The following FER variants were observed in gnomAD, a reference collection of about 807,000 sequenced individuals.
FER encodes tyrosine-protein kinase Fer.
In FER, 63 loss-of-function variants were observed where a neutral mutation model predicts 111.0. That is an observed-to-expected ratio of 0.57 (90% CI 0.46 to 0.70). The LOEUF (loss-of-function observed/expected upper bound fraction) is 0.70. FER is among the 30% of genes least tolerant of loss of function. FER has a pLI of 0.00. For missense variants in FER, 914 were observed against 954.0 expected, an observed-to-expected ratio of 0.96 and a Z score of 0.55; for synonymous variants, 327 against 313.9, an observed-to-expected ratio of 1.04 and a Z score of -0.44.
At chr5:108,985,509 T>C (rs1174326719) in intron 13 of FER, among the ~76,000 whole-genome samples, 1 of 152,114 alleles carries the variant, frequency 6.6e-6, no homozygotes, top group African/African-American at 2.4e-5. Flanking sequence ...ATGGAGGTTG[T>C]GATTTCTGAG....
rs150130311 is a variant in FER at position 108,796,355 on chromosome 5, G to T, written c.-59-1769G>T. On this transcript the variant is annotated intron_variant, in intron 2 of 19. Coordinates refer to ENST00000281092, the MANE Select transcript of FER (RefSeq NM_005246.4). ...AGCGCAGCACTGGGTCATGCCCAAG[G>T]CCCACTGTAATTGCTACCTGACTCC... Among the ~76,000 whole-genome samples the T allele has an allele frequency of 1.0e-2, 1,516 of 152,246 alleles. 12 individuals carry two copies. The highest frequency in any genetic ancestry group is 0.019 in the Admixed American group (297 of 15,288).
At chr5:109,053,459 C>T (rs1472705457) in intron 16 of FER, among the ~76,000 whole-genome samples, 1 of 151,352 alleles carries the variant, frequency 6.6e-6, no homozygotes, top group Non-Finnish European at 1.5e-5. Context: ...AAATCTGTAG[C>T]ACCTAAATTT....
chr5:108,822,898 TC>T (rs1265037287), intron 3 of FER, among the ~76,000 whole-genome samples: 1 of 151,790 alleles, frequency 6.6e-6, no homozygotes, highest in African/African-American at 2.4e-5. Flanking sequence ...CAAGTGATTC[TC>T]CTGCCTCAGC....
chr5:108,956,392 TG>T (rs1233740038), intron 12 of FER, among the ~76,000 whole-genome samples: 8 of 151,714 alleles, frequency 5.3e-5, no homozygotes, highest in Non-Finnish European at 1.0e-4. Context: ...TTTTGAAATA[TG>T]TATTATGTAA....
At chr5:108,809,164 G>A (rs1402583097) in intron 3 of FER, among the ~76,000 whole-genome samples, 1 of 151,986 alleles carries the variant, frequency 6.6e-6, no homozygotes, top group Non-Finnish European at 1.5e-5. Context: ...AACTTTTTTT[G>A]TATTATTCCT....
At chr5:108,903,362 T>C (rs1388458237) in intron 10 of FER, among the ~76,000 whole-genome samples, 1 of 152,218 alleles carries the variant, frequency 6.6e-6, no homozygotes, top group East Asian at 1.9e-4. Context: ...ACACATTTAA[T>C]TTGTTGGCTA....
chr5:108,992,674 G>C (rs193175209), intron 13 of FER, among the ~76,000 whole-genome samples: 3 of 147,566 alleles, frequency 2.0e-5, no homozygotes, highest in South Asian at 2.1e-4. Flanking sequence ...CTGGCCTGGC[G>C]GGGGCTGACC....
intron 9 of FER, among the ~76,000 whole-genome samples, chr5:108,886,312 G>C (rs1329524890): frequency 6.6e-6 from 1 of 151,304 alleles, no homozygotes; most frequent in Admixed American, 6.6e-5. Context: ...TATAAGAGAG[G>C]AGCCTTGAAG....
chr5:109,123,322 A>AT (rs976089359), intron 17 of FER, among the ~76,000 whole-genome samples: 8 of 151,304 alleles, frequency 5.3e-5, no homozygotes, highest in Non-Finnish European at 1.2e-4. Context: ...TGCCCAGCTA[A>AT]TTTTTTTGTA....
intron 5 of FER, among the ~76,000 whole-genome samples, chr5:108,853,972 G>T (rs1762763852): frequency 6.6e-6 from 1 of 152,218 alleles, no homozygotes; most frequent in Admixed American, 6.5e-5. Context: ...AAGGGGTCAT[G>T]CTGGTTTGGA....
intron 17 of FER, among the ~76,000 whole-genome samples, chr5:109,115,292 C>T (rs145358104): frequency 1.6e-4 from 25 of 152,102 alleles, no homozygotes; most frequent in African/African-American, 5.8e-4. Context: ...AAATTAAAGA[C>T]TATTTAGGAA....
chr5:108,803,186 G>A (rs1392212260), intron 3 of FER, among the ~76,000 whole-genome samples: 1 of 150,284 alleles, frequency 6.7e-6, no homozygotes, highest in African/African-American at 2.4e-5. Context: ...ACTTTTTAAT[G>A]TTTTTTTTTC....
chr5:109,024,836 A>G (rs2149840176), intron 13 of FER, among the ~76,000 whole-genome samples: 1 of 151,964 alleles, frequency 6.6e-6, no homozygotes, highest in African/African-American at 2.4e-5. Context: ...CTTTCTACAT[A>G]TGGCTAGCCA....
chr5:108,868,411 A>T (rs1196427191), intron 6 of FER, among the ~76,000 whole-genome samples: 1 of 152,082 alleles, frequency 6.6e-6, no homozygotes, highest in Non-Finnish European at 1.5e-5. Context: ...TCTGATGCTT[A>T]GGGATATAGA....
intron 13 of FER, among the ~76,000 whole-genome samples, chr5:109,009,583 TA>T (rs139348795): frequency 0.045 from 6,924 of 152,276 alleles, 246 homozygotes; most frequent in South Asian, 0.11. Flanking sequence ...TCACTACTCT[TA>T]TAGAATCTAC....
intron 2 of FER, among the ~76,000 whole-genome samples, chr5:108,781,931 T>C (rs539316003): frequency 1.7e-4 from 25 of 149,332 alleles, no homozygotes; most frequent in East Asian, 5.9e-4. Context: ...TTTTTTTTTT[T>C]CCCCCACCCT....
intron 5 of FER, among the ~76,000 whole-genome samples, chr5:108,853,766 G>T (rs1397963506): frequency 6.6e-6 from 1 of 152,206 alleles, no homozygotes; most frequent in East Asian, 1.9e-4. Context: ...TAGGATCTTG[G>T]TAGTTCCTTT....
chr5:109,002,642 A>G (rs1412778227), intron 13 of FER, among the ~76,000 whole-genome samples: 2 of 152,192 alleles, frequency 1.3e-5, no homozygotes, highest in African/African-American at 4.8e-5. Flanking sequence ...TGAAACTAAA[A>G]ACTTCTGCAC....
chr5:108,893,879 C>T (rs1396007595), intron 9 of FER, among the ~76,000 whole-genome samples: 1 of 151,620 alleles, frequency 6.6e-6, no homozygotes, highest in Non-Finnish European at 1.5e-5. Flanking sequence ...ATTTAAATAA[C>T]ACATAAAACT....
Sources: allele counts gnomAD v4.1 joint callset (sites outside exome capture counted in the v4.1 genomes callset), GRCh38; gene constraint gnomAD v4.1.1; transcripts MANE v1.5; gene names NCBI Gene and HGNC (gene_info 2026-07-23, HGNC 2026-07-21).